Variants in USP15 observed in about 807,000 individuals in gnomAD.
The protein encoded by USP15 is ubiquitin specific peptidase 15.
In USP15, 18 loss-of-function variants were observed where a neutral mutation model predicts 127.1. The ratio of observed to expected loss-of-function variants is 0.14; its 90% CI spans 0.10 to 0.21. USP15 has a LOEUF of 0.21. Ranked by LOEUF, USP15 falls within the 10% of genes least tolerant of loss-of-function variation. USP15 has a pLI of 1.00. For synonymous variants in USP15, 364 were observed against 393.7 expected (o/e 0.92, Z 0.89); for missense variants, 805 against 1,159.9 (o/e 0.69, Z 4.44).
At chr12:62,289,557 C>T (rs2063892535) in intron 1 of USP15, among the ~76,000 whole-genome samples, 1 of 151,972 alleles carries the variant, frequency 6.6e-6, no homozygotes, top group South Asian at 2.1e-4. Context: ...ACTAACTTTT[C>T]ATTTCATTGA....
chr12:62,294,054 T>C (rs1424258461), intron 1 of USP15, 125 bp from the exon 2 acceptor site: 15 of 1,003,374 alleles, frequency 1.5e-5, no homozygotes, highest in Non-Finnish European at 2.1e-5. Flanking sequence ...GGCATTACAG[T>C]TTTCAAATAT....
intron 8 of USP15, among the ~76,000 whole-genome samples, chr12:62,366,398 T>C (rs2066477860): frequency 6.6e-6 from 1 of 152,190 alleles, no homozygotes; most frequent in Non-Finnish European, 1.5e-5. Context: ...GCACATTGAT[T>C]TTGTATCCTG....
intron 4 of USP15, among the ~76,000 whole-genome samples, chr12:62,320,688 T>C (rs2064960794): frequency 6.6e-6 from 1 of 152,318 alleles, no homozygotes; most frequent in African/African-American, 2.4e-5. Flanking sequence ...GATAGTATTA[T>C]TGGACTAAAT....
At chr12:62,327,297 A>AC (rs567979663) in intron 6 of USP15, among the ~76,000 whole-genome samples, 168 of 152,072 alleles carry the variant, frequency 1.1e-3, no homozygotes, top group African/African-American at 3.7e-3. Context: ...TTCTTACCCT[A>AC]CTTAGTTGGA....
At chr12:62,276,507 T>A (rs560470322) in intron 1 of USP15, among the ~76,000 whole-genome samples, 1 of 152,176 alleles carries the variant, frequency 6.6e-6, no homozygotes, top group African/African-American at 2.4e-5. Context: ...TTCCAAGATA[T>A]AAAGGGTAAT....
intron 6 of USP15, among the ~76,000 whole-genome samples, chr12:62,345,531 C>T (rs1008918866): frequency 6.6e-6 from 1 of 152,218 alleles, no homozygotes; most frequent in African/African-American, 2.4e-5. Context: ...ATTTTCCTGT[C>T]TTCTGAGTCC....
intron 7 of USP15, 94 bp from the exon 8 acceptor site, chr12:62,355,237 C>A: frequency 9.1e-7 from 1 of 1,104,154 alleles, no homozygotes; most frequent in Non-Finnish European, 1.2e-6. Context: ...ATGTAATGAT[C>A]AACCACATAT....
In USP15 at chr12:62,321,552, T is replaced by C; in HGVS notation, c.564T>C (p.Phe188=). ...RLWNKYMSNT[F]EPLNKPDSTI... ...GGAACAAATACATGAGTAACACATT[T>C]GAACCACTGAATAAACCAGACAGCA... is the stretch of plus-strand genomic sequence containing the variant. Residue 188 remains phenylalanine, a synonymous_variant, in exon 5 of 22, where the codon TTT becomes TTC. Coordinates refer to ENST00000280377, the MANE Select transcript of USP15 (RefSeq NM_001252078.2). 1 of 1,610,836 alleles carries C rather than the reference T, an allele frequency of 6.2e-7. No individual in the cohort carries two copies. The highest frequency in any genetic ancestry group is 8.5e-7 in the Non-Finnish European group (1 of 1,178,410).
At chr12:62,325,005 T>G (rs1437242562) in intron 5 of USP15, among the ~76,000 whole-genome samples, 1 of 152,042 alleles carries the variant, frequency 6.6e-6, no homozygotes, top group Non-Finnish European at 1.5e-5. Flanking sequence ...CACGTCATAT[T>G]GTCTGTATTA....
chr12:62,298,659 A>T (rs1326498816), intron 2 of USP15, among the ~76,000 whole-genome samples: 3 of 151,834 alleles, frequency 2.0e-5, no homozygotes, highest in African/African-American at 7.3e-5. Context: ...GCAAGACTCC[A>T]TCTCAAAAAA....
chr12:62,305,652 C>T (rs2064461875), intron 3 of USP15: 1 of 152,216 alleles, frequency 6.6e-6, no homozygotes, highest in African/African-American at 2.4e-5. Context: ...CTGTTGAAAA[C>T]ATTAATAATA....
intron 3 of USP15, among the ~76,000 whole-genome samples, chr12:62,311,377 A>G (rs1224562825): frequency 1.3e-5 from 2 of 151,784 alleles, no homozygotes; most frequent in Non-Finnish European, 3.0e-5. Flanking sequence ...TTTTTCTGTA[A>G]AGGGCCAGAT....
intron 1 of USP15, among the ~76,000 whole-genome samples, chr12:62,270,218 A>G (rs2063316879): frequency 6.6e-6 from 1 of 151,752 alleles, no homozygotes; most frequent in African/African-American, 2.4e-5. Flanking sequence ...AAATTTGGTT[A>G]TTTTGTCTTT....
At chr12:62,279,312 C>T (rs1303657673) in intron 1 of USP15, among the ~76,000 whole-genome samples, 1 of 152,168 alleles carries the variant, frequency 6.6e-6, no homozygotes, top group Non-Finnish European at 1.5e-5. Context: ...ATCCATGTTG[C>T]TGCATATGGC....
intron 1 of USP15, among the ~76,000 whole-genome samples, chr12:62,275,634 G>A (rs2063472468): frequency 6.6e-6 from 1 of 151,976 alleles, no homozygotes; most frequent in Non-Finnish European, 1.5e-5. Context: ...GTGATATGAG[G>A]GGAGAGGAGG....
chr12:62,263,687 C>A (rs1042728734), intron 1 of USP15, among the ~76,000 whole-genome samples: 5 of 152,180 alleles, frequency 3.3e-5, no homozygotes, highest in African/African-American at 1.2e-4. Context: ...AAGAAGGTAG[C>A]ACTGATTTGT....
chr12:62,265,834 T>C (rs2063179858), intron 1 of USP15, among the ~76,000 whole-genome samples: 1 of 152,334 alleles, frequency 6.6e-6, no homozygotes, highest in African/African-American at 2.4e-5. Context: ...ATTACAGGTG[T>C]GAACCCCTAT....
At chr12:62,348,798 A>C (rs1426561581) in intron 6 of USP15, among the ~76,000 whole-genome samples, 1 of 152,144 alleles carries the variant, frequency 6.6e-6, no homozygotes, top group Non-Finnish European at 1.5e-5. Context: ...ATTTTTAAAA[A>C]TTGGAATGTT....
chr12:62,399,221 C>T (rs1384909862), intron 20 of USP15, among the ~76,000 whole-genome samples: 1 of 152,128 alleles, frequency 6.6e-6, no homozygotes, highest in African/African-American at 2.4e-5. Context: ...AGAAAGGATA[C>T]AGGTCAAGAA....
Sources: allele counts gnomAD v4.1 joint callset (sites outside exome capture counted in the v4.1 genomes callset), GRCh38; gene constraint gnomAD v4.1.1; transcripts MANE v1.5; gene names NCBI Gene and HGNC (gene_info 2026-07-23, HGNC 2026-07-21).